The following GALNTL6 variants were observed in gnomAD, a reference collection of about 807,000 sequenced individuals.
GALNTL6 encodes polypeptide N-acetylgalactosaminyltransferase-like 6.
A neutral mutation model predicts 73.7 loss-of-function variants in GALNTL6; 46 were observed. The observed-to-expected ratio is 0.62, with a 90% CI of 0.49 to 0.80. The LOEUF is 0.80. GALNTL6 is among the 30% of genes least tolerant of loss of function. GALNTL6 has a pLI of 0.00. For missense variants in GALNTL6, 604 were observed against 755.0 expected, an observed-to-expected ratio of 0.80 and a Z score of 2.34; for synonymous variants, 259 against 263.7, an observed-to-expected ratio of 0.98 and a Z score of 0.17.
At chr4:172,583,954 G>A (rs930042766) in intron 5 of GALNTL6, among the ~76,000 whole-genome samples, 1 of 149,456 alleles carries the variant, frequency 6.7e-6, no homozygotes, top group African/African-American at 2.5e-5. Flanking sequence ...AATGTAAACT[G>A]TATAGGATTC....
intron 2 of GALNTL6, among the ~76,000 whole-genome samples, chr4:171,931,172 T>G (rs1278188473): frequency 6.6e-6 from 1 of 152,200 alleles, no homozygotes; most frequent in Non-Finnish European, 1.5e-5. Flanking sequence ...TGTCTTACAC[T>G]TTTATTTCAT....
At chr4:172,355,143 G>T (rs1446980428) in intron 5 of GALNTL6, among the ~76,000 whole-genome samples, 1 of 152,042 alleles carries the variant, frequency 6.6e-6, no homozygotes, top group African/African-American at 2.4e-5. Context: ...GGCATTGGTA[G>T]TCAGAACATT....
intron 8 of GALNTL6, among the ~76,000 whole-genome samples, chr4:172,912,959 C>T (rs1212960298): frequency 1.3e-5 from 2 of 152,310 alleles, no homozygotes; most frequent in Non-Finnish European, 2.9e-5. Flanking sequence ...CTGGGAGACA[C>T]CTCCCAGTAG....
intron 2 of GALNTL6, among the ~76,000 whole-genome samples, chr4:171,988,542 G>A (rs1014714425): frequency 1.3e-5 from 2 of 152,164 alleles, no homozygotes; most frequent in Non-Finnish European, 2.9e-5. Context: ...GTGGATTGTG[G>A]AGGGAGGTAT....
intron 5 of GALNTL6, among the ~76,000 whole-genome samples, chr4:172,427,395 A>G (rs898246157): frequency 2.6e-5 from 4 of 152,086 alleles, no homozygotes; most frequent in Non-Finnish European, 5.9e-5. Flanking sequence ...ACAGCATGGG[A>G]AAGACCTGCC....
chr4:172,860,566 C>G (rs371518110), intron 7 of GALNTL6, among the ~76,000 whole-genome samples: 21 of 152,046 alleles, frequency 1.4e-4, no homozygotes, highest in Admixed American at 4.6e-4. Context: ...AGATACTCTA[C>G]CAAAAAGTGC....
chr4:172,072,180 A>G (rs1023227239), intron 2 of GALNTL6, among the ~76,000 whole-genome samples: 1 of 152,118 alleles, frequency 6.6e-6, no homozygotes, highest in Non-Finnish European at 1.5e-5. Context: ...AGGCCTGAGA[A>G]GCCCGATGTG....
intron 5 of GALNTL6, among the ~76,000 whole-genome samples, chr4:172,623,441 G>A (rs1009838224): frequency 2.6e-5 from 4 of 151,770 alleles, no homozygotes; most frequent in Admixed American, 6.6e-5. Flanking sequence ...AGGAAAAGAT[G>A]GATAATGAGA....
At chr4:172,823,486 A>C (rs1255863815) in intron 7 of GALNTL6, among the ~76,000 whole-genome samples, 3 of 152,366 alleles carry the variant, frequency 2.0e-5, no homozygotes, top group African/African-American at 7.2e-5. Context: ...TATTGAATGG[A>C]TGAAATAAAT....
chr4:173,013,991 A>G (rs1203524687), intron 11 of GALNTL6, among the ~76,000 whole-genome samples: 1 of 152,184 alleles, frequency 6.6e-6, no homozygotes, highest in African/African-American at 2.4e-5. Context: ...TAATTCAAAA[A>G]CATTCAAAAA....
chr4:172,624,966 T>C (rs1346795780), intron 5 of GALNTL6, among the ~76,000 whole-genome samples: 2 of 151,996 alleles, frequency 1.3e-5, no homozygotes, highest in Middle Eastern at 3.2e-3. Flanking sequence ...TACGCCATCC[T>C]CTGTCCTCCA....
chr4:172,388,833 C>G (rs549581969), intron 5 of GALNTL6, among the ~76,000 whole-genome samples: 1 of 151,952 alleles, frequency 6.6e-6, no homozygotes, highest in Non-Finnish European at 1.5e-5. Flanking sequence ...TCGGGGGTAG[C>G]GGGTACCATA....
intron 5 of GALNTL6, among the ~76,000 whole-genome samples, chr4:172,637,898 G>A (rs1399120073): frequency 2.0e-5 from 3 of 151,900 alleles, no homozygotes; most frequent in African/African-American, 4.8e-5. Flanking sequence ...TGGACCCTAC[G>A]CATACTTGAT....
chr4:172,847,504 T>C (rs1743577771), intron 7 of GALNTL6, among the ~76,000 whole-genome samples: 1 of 151,940 alleles, frequency 6.6e-6, no homozygotes, highest in Admixed American at 6.6e-5. Flanking sequence ...ATATATATAT[T>C]TATTATTATT....
chr4:172,882,470 T>C (rs530889247), intron 7 of GALNTL6, among the ~76,000 whole-genome samples: 3 of 152,360 alleles, frequency 2.0e-5, no homozygotes, highest in Admixed American at 2.0e-4. Flanking sequence ...TCTCACTTTA[T>C]GGGTCATTAT....
At chr4:172,579,859 G>A (rs567163869) in intron 5 of GALNTL6, among the ~76,000 whole-genome samples, 1 of 147,990 alleles carries the variant, frequency 6.8e-6, no homozygotes, top group South Asian at 2.2e-4. Context: ...AGAAAGAAGG[G>A]AGGGAGGGAG....
At chr4:172,599,371 C>T (rs961384049) in intron 5 of GALNTL6, among the ~76,000 whole-genome samples, 4 of 151,870 alleles carry the variant, frequency 2.6e-5, no homozygotes, top group Non-Finnish European at 4.4e-5. Context: ...TTAAAAAGGA[C>T]TCTCATATGC....
chr4:172,715,818 A>G (rs912001006), intron 5 of GALNTL6, among the ~76,000 whole-genome samples: 2 of 152,228 alleles, frequency 1.3e-5, no homozygotes, highest in Non-Finnish European at 2.9e-5. Flanking sequence ...AAGGTCTTGC[A>G]TACGTTTGTG....
intron 5 of GALNTL6, among the ~76,000 whole-genome samples, chr4:172,599,418 T>C (rs1737975080): frequency 6.6e-6 from 1 of 152,136 alleles, no homozygotes; most frequent in South Asian, 2.1e-4. Flanking sequence ...TTGGTCTAAC[T>C]TGGGAAAAAT....
Sources: allele counts gnomAD v4.1 joint callset (sites outside exome capture counted in the v4.1 genomes callset), GRCh38; gene constraint gnomAD v4.1.1; transcripts MANE v1.5; gene names NCBI Gene and HGNC (gene_info 2026-07-23, HGNC 2026-07-21).